The following GPR158 variants were observed in gnomAD, a reference collection of about 807,000 sequenced individuals.
GPR158 encodes the protein G protein-coupled receptor 158, also known as metabotropic glycine receptor.
A neutral mutation model predicts 78.2 loss-of-function variants in GPR158; 30 were observed. The observed-to-expected ratio is 0.38, with a 90% CI of 0.29 to 0.52. GPR158 has a LOEUF of 0.52. Among genes scored for constraint, GPR158 ranks in the 20% least tolerant of loss-of-function variants. The probability of loss-of-function intolerance (pLI) is 0.83; values close to 1 mark genes in which losing one functional copy is unlikely to be tolerated. For synonymous variants in GPR158, 581 were observed against 591.1 expected, an observed-to-expected ratio of 0.98 and a Z score of 0.25; for missense variants, 1,463 against 1,523.5, an observed-to-expected ratio of 0.96 and a Z score of 0.66.
chr10:25,254,275 GT>G (rs1407579639), intron 2 of GPR158, among the ~76,000 whole-genome samples: 1 of 152,098 alleles, frequency 6.6e-6, no homozygotes, highest in Non-Finnish European at 1.5e-5. Flanking sequence ...TGATAAAAGT[GT>G]TTTTTCTTCA....
At chr10:25,503,033 G>C (rs1835962366) in intron 5 of GPR158, among the ~76,000 whole-genome samples, 1 of 152,134 alleles carries the variant, frequency 6.6e-6, no homozygotes, top group Non-Finnish European at 1.5e-5. Flanking sequence ...CTGAAATCAT[G>C]AGTGTAACTT....
intron 2 of GPR158, among the ~76,000 whole-genome samples, chr10:25,331,107 A>G (rs1345690986): frequency 6.6e-6 from 1 of 151,882 alleles, no homozygotes; most frequent in African/African-American, 2.4e-5. Flanking sequence ...TAGCTTTTAT[A>G]TATATATATT....
intron 5 of GPR158, among the ~76,000 whole-genome samples, chr10:25,490,127 G>A (rs1835785810): frequency 6.6e-6 from 1 of 152,056 alleles, no homozygotes; most frequent in Non-Finnish European, 1.5e-5. Flanking sequence ...TTAAGGAAAT[G>A]CAAAGTTAAA....
At chr10:25,286,121 AT>A (rs1246278563) in intron 2 of GPR158, among the ~76,000 whole-genome samples, 5 of 151,438 alleles carry the variant, frequency 3.3e-5, no homozygotes, top group Non-Finnish European at 4.4e-5. Flanking sequence ...GTGTGCATGC[AT>A]TTTTTCCCTT....
At chr10:25,308,555 C>A (rs949713641) in intron 2 of GPR158, among the ~76,000 whole-genome samples, 3 of 151,944 alleles carry the variant, frequency 2.0e-5, no homozygotes, top group African/African-American at 7.3e-5. Flanking sequence ...TTGTAAAATA[C>A]ACATAACATA....
At chr10:25,283,179 TC>T (rs1352792882) in intron 2 of GPR158, among the ~76,000 whole-genome samples, 1 of 152,068 alleles carries the variant, frequency 6.6e-6, no homozygotes, top group East Asian at 1.9e-4. Context: ...AAATTCAATT[TC>T]CTCACCAGGT....
intron 1 of GPR158, among the ~76,000 whole-genome samples, chr10:25,201,338 T>C (rs1373904601): frequency 6.6e-6 from 1 of 152,166 alleles, no homozygotes. Flanking sequence ...ATTAGGTTTT[T>C]GTGCATTGAT....
At chr10:25,539,585 G>A (rs1410037592) in intron 5 of GPR158, among the ~76,000 whole-genome samples, 1 of 149,766 alleles carries the variant, frequency 6.7e-6, no homozygotes, top group Non-Finnish European at 1.5e-5. Context: ...GATGTATTGG[G>A]GTACAGCATA....
At chr10:25,293,862 C>T (rs997000784) in intron 2 of GPR158, among the ~76,000 whole-genome samples, 1 of 151,882 alleles carries the variant, frequency 6.6e-6, no homozygotes, top group Non-Finnish European at 1.5e-5. Flanking sequence ...TCTCCTGCCT[C>T]AGCCTCCTGA....
intron 2 of GPR158, among the ~76,000 whole-genome samples, chr10:25,261,914 A>G (rs560937695): frequency 2.6e-5 from 4 of 152,280 alleles, no homozygotes; most frequent in Admixed American, 2.6e-4. Context: ...ACATGTTACT[A>G]AAACGCTGTT....
chr10:25,183,696 T>C (rs770275855), intron 1 of GPR158, among the ~76,000 whole-genome samples: 2 of 152,212 alleles, frequency 1.3e-5, no homozygotes, highest in African/African-American at 4.8e-5. Flanking sequence ...ACCTGTCCGA[T>C]TGGCAAAGTA....
intron 2 of GPR158, among the ~76,000 whole-genome samples, chr10:25,381,337 GGTAA>G (rs60526089): frequency 0.66 from 99,853 of 151,472 alleles, 33,969 homozygotes; most frequent in Non-Finnish European, 0.75. Context: ...TGATGAGGGA[GGTAA>G]GTAAATGGAG....
intron 5 of GPR158, among the ~76,000 whole-genome samples, chr10:25,495,055 G>A (rs1035982508): frequency 6.6e-6 from 1 of 151,960 alleles, no homozygotes; most frequent in Non-Finnish European, 1.5e-5. Context: ...CAGGTCAATG[G>A]TGGGGATTGA....
chr10:25,374,367 T>C (rs901141748), intron 2 of GPR158, among the ~76,000 whole-genome samples: 1 of 151,674 alleles, frequency 6.6e-6, no homozygotes, highest in African/African-American at 2.4e-5. Context: ...TGTGGTATAA[T>C]ATCAAAACTA....
intron 5 of GPR158, among the ~76,000 whole-genome samples, chr10:25,507,962 T>G (rs1836035212): frequency 6.6e-6 from 1 of 152,174 alleles, no homozygotes; most frequent in Non-Finnish European, 1.5e-5. Context: ...AGTTAGTCAT[T>G]TTCATGACAG....
intron 2 of GPR158, among the ~76,000 whole-genome samples, chr10:25,295,180 A>G (rs995124419): frequency 1.3e-5 from 2 of 152,140 alleles, no homozygotes; most frequent in African/African-American, 4.8e-5. Context: ...CATCAATTCT[A>G]TTATTGAGTC....
At chr10:25,324,831 C>CTTTTTTT (rs34746907) in intron 2 of GPR158, among the ~76,000 whole-genome samples, 12 of 125,382 alleles carry the variant, frequency 9.6e-5, no homozygotes, top group Middle Eastern at 3.8e-3. Flanking sequence ...TTTTTTCTTT[C>CTTTTTTT]TTTTTTTTTT....
intron 2 of GPR158, among the ~76,000 whole-genome samples, chr10:25,235,752 A>G (rs1241307979): frequency 7.1e-6 from 1 of 139,924 alleles, no homozygotes; most frequent in Non-Finnish European, 1.5e-5. Flanking sequence ...GCTGGAGTGC[A>G]GTGGCAAGAT....
At chr10:25,253,847 A>G (rs1049007305) in intron 2 of GPR158, among the ~76,000 whole-genome samples, 7 of 152,220 alleles carry the variant, frequency 4.6e-5, no homozygotes, top group African/African-American at 1.7e-4. Flanking sequence ...AAACCAGCAA[A>G]CCAAATATTG....
Sources: gnomAD v4.1 joint callset for allele counts (sites outside exome capture counted in the v4.1 genomes callset) on GRCh38, gnomAD v4.1.1 for gene constraint, MANE v1.5 for transcripts, NCBI Gene and HGNC (gene_info 2026-07-23, HGNC 2026-07-21) for gene names.